Variants in ARFGAP3 observed in about 807,000 individuals in gnomAD.
ARFGAP3 encodes ARF GTPase activating protein 3, also known as ADP-ribosylation factor GTPase-activating protein 3.
ARFGAP3 carries 72 observed loss-of-function variants against 75.0 expected under a neutral mutation model. The observed-to-expected ratio is 0.96, with a 90% CI of 0.79 to 1.17. The LOEUF is 1.17. Among genes scored for constraint, ARFGAP3 ranks in the 50% most tolerant of loss-of-function variants. The pLI, the probability that ARFGAP3 is intolerant of heterozygous loss-of-function variation, is 0.00. For synonymous variants in ARFGAP3, 221 were observed against 217.9 expected (o/e 1.01, Z -0.13); for missense variants, 620 against 626.6 (o/e 0.99, Z 0.11).
At chr22:42,800,603 C>T (rs181976351) in intron 14 of ARFGAP3, among the ~76,000 whole-genome samples, 14 of 152,368 alleles carry the variant, frequency 9.2e-5, no homozygotes, top group Admixed American at 6.5e-4. Context: ...TACCCTGCAA[C>T]GTGTCCCTTG....
intron 10 of ARFGAP3, among the ~76,000 whole-genome samples, 177 bp downstream of exon 10, chr22:42,817,552 C>T (rs374610658): frequency 4.6e-5 from 7 of 151,840 alleles, no homozygotes; most frequent in African/African-American, 1.7e-4. Flanking sequence ...TTTTAAAGAG[C>T]CAAATTTGAA....
chr22:42,800,859 A>C (rs1262921825), intron 14 of ARFGAP3, among the ~76,000 whole-genome samples: 1 of 152,232 alleles, frequency 6.6e-6, no homozygotes, highest in Non-Finnish European at 1.5e-5. Flanking sequence ...AATGAGCTCC[A>C]GGAAATGACA....
At chr22:42,845,787 C>A (rs1031788814) in intron 2 of ARFGAP3, among the ~76,000 whole-genome samples, 2 of 152,040 alleles carry the variant, frequency 1.3e-5, no homozygotes, top group African/African-American at 4.8e-5. Context: ...CGCCCGTAAT[C>A]CCAACACTTT....
chr22:42,828,621 C>A (rs1926147969), intron 6 of ARFGAP3, among the ~76,000 whole-genome samples: 2 of 151,626 alleles, frequency 1.3e-5, no homozygotes, highest in South Asian at 4.2e-4. Context: ...ACTGTGACAT[C>A]CGGACTTCAG....
At chr22:42,850,090 G>A (rs1360424145) in intron 1 of ARFGAP3, among the ~76,000 whole-genome samples, 2 of 152,060 alleles carry the variant, frequency 1.3e-5, no homozygotes, top group African/African-American at 2.4e-5. Context: ...AAGCCCAACA[G>A]GAGCATAAAA....
At chr22:42,838,814 G>T in intron 3 of ARFGAP3, among the ~76,000 whole-genome samples, 1 of 151,990 alleles carries the variant, frequency 6.6e-6, no homozygotes, top group East Asian at 1.9e-4. Context: ...TAAAATGTTT[G>T]AAAATCCTTA....
At chr22:42,846,218 G>T (rs1409547515) in intron 2 of ARFGAP3, among the ~76,000 whole-genome samples, 1 of 152,210 alleles carries the variant, frequency 6.6e-6, no homozygotes, top group East Asian at 1.9e-4. Context: ...TAGAAAAGAT[G>T]GAGTAGGGAA....
At chr22:42,806,616 T>C (rs1243860734) in intron 14 of ARFGAP3, among the ~76,000 whole-genome samples, 1 of 152,230 alleles carries the variant, frequency 6.6e-6, no homozygotes, top group Non-Finnish European at 1.5e-5. Flanking sequence ...CACTTCACAT[T>C]GCTCATTTAA....
intron 11 of ARFGAP3, among the ~76,000 whole-genome samples, chr22:42,814,985 G>T (rs1448685389): frequency 6.6e-6 from 1 of 152,174 alleles, no homozygotes; most frequent in Non-Finnish European, 1.5e-5. Flanking sequence ...TGATCCTCCT[G>T]CCTTGGCTTC....
In ARFGAP3 at chr22:42,835,356, A is replaced by T. The variant is rs1272643901; in HGVS notation, c.393+6T>A. 2 of 1,613,604 alleles carry T rather than the reference A, an allele frequency of 1.2e-6. No homozygotes were observed. The highest frequency in any genetic ancestry group is 3.3e-5 in the Admixed American group (2 of 59,914). Reference sequence around the variant, plus strand: ...AAAGGAAACAATCCAGCCTCCAGTGACTTACATCAGTGCCATGCTTCCGTG... The same window carrying T: ...AAAGGAAACAATCCAGCCTCCAGTGTCTTACATCAGTGCCATGCTTCCGTG... On this transcript the variant is annotated splice_donor_region_variant and intron_variant, in intron 4 of 15. Transcript: ENST00000263245.
chr22:42,825,199 A>G (rs1925984177), intron 7 of ARFGAP3, among the ~76,000 whole-genome samples: 1 of 151,864 alleles, frequency 6.6e-6, no homozygotes, highest in Non-Finnish European at 1.5e-5. Flanking sequence ...GGCTGCAGTG[A>G]ACTGTGATTG....
At chr22:42,836,674 A>G (rs1390407634) in intron 3 of ARFGAP3, among the ~76,000 whole-genome samples, 1 of 152,206 alleles carries the variant, frequency 6.6e-6, no homozygotes, top group Non-Finnish European at 1.5e-5. Flanking sequence ...CAGGTCTTCT[A>G]AAAACCTATA....
At chr22:42,855,859 AAATT>A (rs71653707) in intron 1 of ARFGAP3, among the ~76,000 whole-genome samples, 56,475 of 149,870 alleles carry the variant, frequency 0.38, 11,355 homozygotes, top group Non-Finnish European at 0.45. Context: ...GTCTCTACAA[AAATT>A]AATTAATTAA....
intron 10 of ARFGAP3, 176 bp from the exon 11 acceptor site, chr22:42,817,440 G>A: frequency 2.2e-6 from 1 of 448,940 alleles, no homozygotes; most frequent in Non-Finnish European, 2.9e-6. Context: ...TTAAAATTTT[G>A]TGAGGACTGT....
chr22:42,856,713 A>G (rs1321546646), intron 1 of ARFGAP3, among the ~76,000 whole-genome samples: 1 of 151,968 alleles, frequency 6.6e-6, no homozygotes, highest in Non-Finnish European at 1.5e-5. Flanking sequence ...GCGCTGGGGG[A>G]GCCGCGCTTT....
intron 14 of ARFGAP3, among the ~76,000 whole-genome samples, chr22:42,804,546 T>A (rs1925033893): frequency 6.6e-6 from 1 of 151,986 alleles, no homozygotes; most frequent in Non-Finnish European, 1.5e-5. Context: ...CACGCCAAGC[T>A]AGTTTTTGTA....
intron 6 of ARFGAP3, among the ~76,000 whole-genome samples, chr22:42,829,074 CTGTT>C (rs1206396327): frequency 3.3e-5 from 5 of 152,152 alleles, no homozygotes; most frequent in African/African-American, 1.2e-4. Context: ...CGCACTGTTC[CTGTT>C]TGTTAGGAGA....
intron 14 of ARFGAP3, among the ~76,000 whole-genome samples, chr22:42,806,005 G>A (rs772208731): frequency 7.9e-5 from 12 of 152,206 alleles, no homozygotes; most frequent in East Asian, 3.8e-4. Context: ...CAGAATGTCC[G>A]ACACTCAGAC....
intron 6 of ARFGAP3, among the ~76,000 whole-genome samples, chr22:42,829,102 TTCTTC>T (rs772487799): frequency 3.4e-4 from 52 of 152,342 alleles, no homozygotes; most frequent in African/African-American, 1.1e-3. Flanking sequence ...TGGGAATTCT[TTCTTC>T]TCTTCTCTCT....
Sources: gnomAD v4.1 joint callset for allele counts (sites outside exome capture counted in the v4.1 genomes callset) on GRCh38, gnomAD v4.1.1 for gene constraint, MANE v1.5 for transcripts, NCBI Gene and HGNC (gene_info 2026-07-23, HGNC 2026-07-21) for gene names.